The following TSHR variants were observed in gnomAD, a reference collection of about 807,000 sequenced individuals.
TSHR encodes the protein thyroid stimulating hormone receptor.
In TSHR, 51 loss-of-function variants were observed where a neutral mutation model predicts 64.1. That is an observed-to-expected ratio of 0.80 (90% confidence interval 0.64 to 1.01). The LOEUF (loss-of-function observed/expected upper bound fraction) is 1.01. Among genes scored for constraint, TSHR ranks in the 50% least tolerant of loss-of-function variants. The pLI, the probability that TSHR is intolerant of heterozygous loss-of-function variation, is 0.00. For missense variants in TSHR, 877 were observed against 942.8 expected, an observed-to-expected ratio of 0.93 and a Z score of 0.91; for synonymous variants, 361 against 361.9, an observed-to-expected ratio of 1.00 and a Z score of 0.03.
intron 1 of TSHR, chr14:80,993,252 A>G (rs1207791492): frequency 6.6e-6 from 1 of 152,182 alleles, no homozygotes; most frequent in Non-Finnish European, 1.5e-5. Flanking sequence ...CAACAATGGA[A>G]TGGACTCCTC....
intron 1 of TSHR, among the ~76,000 whole-genome samples, chr14:81,027,850 T>C (rs763765145): frequency 4.6e-5 from 7 of 152,002 alleles, no homozygotes; most frequent in Non-Finnish European, 8.8e-5. Context: ...AAAAATAATA[T>C]AACTAACAAA....
Position 81,105,216 on chromosome 14 carries a change from A to G in TSHR, c.615-3159A>G, listed in dbSNP as rs188613168. On this transcript the variant is annotated intron_variant, in intron 7 of 9. Transcript: ENST00000298171. ...GAATCAAGGTAAGTCATGGTCAAGG[A>G]ATCAGTTTAACTAGACTGATAATCC... 4.3e-4 allele frequency: 426 copies of G among 985,432 alleles called. No individual in the cohort carries two copies. In the African/African-American group the frequency reaches 7.1e-3, roughly 16 times the overall value. 61.0% of individuals were successfully genotyped at this position (985,432 alleles called of 1,614,324 possible).
intron 8 of TSHR, among the ~76,000 whole-genome samples, chr14:81,114,931 A>C (rs949815229): frequency 3.9e-5 from 6 of 152,168 alleles, no homozygotes; most frequent in African/African-American, 7.2e-5. Flanking sequence ...CTGACACCTC[A>C]CATGGCAGGG....
chr14:81,061,725 CA>C (rs199539203), intron 1 of TSHR, among the ~76,000 whole-genome samples: 42 of 151,478 alleles, frequency 2.8e-4, no homozygotes, highest in Admixed American at 1.4e-3. Context: ...ATAATCAGTA[CA>C]AAAAAAACCC....
intron 1 of TSHR, among the ~76,000 whole-genome samples, chr14:81,026,622 T>A (rs1225683511): frequency 2.0e-5 from 3 of 152,014 alleles, no homozygotes; most frequent in Admixed American, 6.6e-5. Flanking sequence ...GTGTTAGGAC[T>A]CCAGAGTGAA....
At position 81,139,856 on chromosome 14, in the gene TSHR, G is replaced by T. The variant is rs757787392; in HGVS notation, c.870G>T (p.Lys290Asn). The change falls in exon 9 of 10, where the codon AAG becomes AAT. Residue 290 changes from lysine to asparagine, a missense_variant. By Grantham distance (94) the Lys-to-Asn change is moderately conservative. Transcript: ENST00000298171. ...PSHCCAFKNQ[K>N]KIRGILESLM... ...ACTGCTGTGCTTTTAAGAATCAGAA[G>T]AAAATCAGAGGGTAAGTGGCAGGGA... 2.8e-5 allele frequency: 45 copies of T among 1,614,084 alleles called. No homozygotes were observed. The highest frequency in any genetic ancestry group is 3.7e-5 in the Non-Finnish European group (44 of 1,180,040).
chr14:81,029,813 T>C (rs1202891014), intron 1 of TSHR, among the ~76,000 whole-genome samples: 5 of 152,230 alleles, frequency 3.3e-5, no homozygotes, highest in African/African-American at 9.6e-5. Flanking sequence ...GCCAGTTGTC[T>C]ATTACATAGT....
chr14:81,144,243 A>T lies in TSHR; in HGVS notation c.2185A>T (p.Arg729Trp), dbSNP rs750689462. 3 of 1,613,620 alleles carry T rather than the reference A, an allele frequency of 1.9e-6. No homozygotes were observed. The highest frequency in any genetic ancestry group is 2.5e-6 in the Non-Finnish European group (3 of 1,179,698). ...IQVQKVTHEM[R>W]QGLHNMEDVY... ...GGTTCAAAAGGTTACCCACGAGATG[A>T]GGCAGGGTCTCCACAACATGGAAGA... The change falls in exon 10 of 10, where the codon AGG (arginine) becomes TGG (tryptophan). Residue 729 changes from arginine (R) to tryptophan (W), a missense_variant. Coordinates refer to ENST00000298171, the MANE Select transcript of TSHR (RefSeq NM_000369.5).
chr14:81,060,637 T>G (rs1886168508), intron 1 of TSHR, among the ~76,000 whole-genome samples: 1 of 152,080 alleles, frequency 6.6e-6, no homozygotes, highest in African/African-American at 2.4e-5. Context: ...AAATGAATAC[T>G]TCAAAGAAAG....
chr14:80,996,450 TTTTCTGAA>T (rs1889024897), intron 1 of TSHR, among the ~76,000 whole-genome samples: 1 of 152,174 alleles, frequency 6.6e-6, no homozygotes, highest in Non-Finnish European at 1.5e-5. Context: ...TATTGCAAAA[TTTTCTGAA>T]TCACTTTGCT....
chr14:80,988,111 A>G (rs1332086988), intron 1 of TSHR, among the ~76,000 whole-genome samples: 1 of 152,190 alleles, frequency 6.6e-6, no homozygotes, highest in African/African-American at 2.4e-5. Flanking sequence ...TTTGAACTTT[A>G]ATTTAAATGT....
intron 1 of TSHR, among the ~76,000 whole-genome samples, chr14:81,011,420 G>A (rs1889900665): frequency 6.6e-6 from 1 of 151,930 alleles, no homozygotes; most frequent in Admixed American, 6.6e-5. Context: ...GGATACATCA[G>A]TTTCTTTTAA....
chr14:80,980,714 A>C lies in TSHR; in HGVS notation c.170+24864A>C, dbSNP rs1279824763. 2.6e-5 allele frequency among the ~76,000 whole-genome samples: 4 copies of C among 152,078 alleles called. No homozygotes were observed. The East Asian group carries it at 5.8e-4, about 22-fold the overall frequency. ...AATATTGTCTGTCCTCATTTTCTCT[A>C]TTCTTTTCTCATGTGAGTCCTATTA... On this transcript the variant is annotated intron_variant, in intron 1 of 9. Transcript: ENST00000298171.
chr14:80,973,133 C>T (rs1009276850), intron 1 of TSHR, among the ~76,000 whole-genome samples: 3 of 151,944 alleles, frequency 2.0e-5, no homozygotes, highest in Non-Finnish European at 4.4e-5. Context: ...TGGCCGGGCG[C>T]GGTGGCTCAC....
rs568229153 is a variant in TSHR, at chr14:80,992,754, A to C, written c.170+36904A>C. ...ATAAACCCTACATTTGACTCTAAAT[A>C]ATAAATTGCACAATTATTGGATTGT... On this transcript the variant is annotated intron_variant, in intron 1 of 9. Transcript: ENST00000298171. 2.0e-5 allele frequency: 3 copies of C among 152,370 alleles called. No homozygotes were observed. The East Asian group carries it at 5.8e-4, about 29-fold the overall frequency. 9.4% of individuals were successfully genotyped at this position (152,370 alleles called of 1,614,324 possible).
intron 4 of TSHR, among the ~76,000 whole-genome samples, chr14:81,090,475 A>C (rs762334182): frequency 1.3e-5 from 2 of 152,174 alleles, no homozygotes; most frequent in African/African-American, 2.4e-5. Context: ...TCCTGGACTC[A>C]AGTGATCCAC....
intron 8 of TSHR, among the ~76,000 whole-genome samples, chr14:81,109,448 C>T (rs1278983877): frequency 6.6e-6 from 1 of 151,986 alleles, no homozygotes; most frequent in Non-Finnish European, 1.5e-5. Flanking sequence ...AACAAAAAAA[C>T]AAAGTGGAAC....
chr14:80,977,761 A>C (rs1212197382), intron 1 of TSHR, among the ~76,000 whole-genome samples: 1 of 152,230 alleles, frequency 6.6e-6, no homozygotes, highest in Non-Finnish European at 1.5e-5. Context: ...CCAGACTTAC[A>C]TGTTAACTGA....
At chr14:81,055,391 A>G (rs1885713624) in intron 1 of TSHR, among the ~76,000 whole-genome samples, 2 of 152,234 alleles carry the variant, frequency 1.3e-5, no homozygotes. Flanking sequence ...ACCCCCACAC[A>G]GAGTCCTCAC....
Sources: gnomAD v4.1 joint callset for allele counts (sites outside exome capture counted in the v4.1 genomes callset) on GRCh38, gnomAD v4.1.1 for gene constraint, MANE v1.5 for transcripts, NCBI Gene and HGNC (gene_info 2026-07-23, HGNC 2026-07-21) for gene names.